The following ELF2 variants were observed in gnomAD, a reference collection of about 807,000 sequenced individuals.
The protein encoded by ELF2 is ETS-related transcription factor Elf-2.
Under a neutral mutation model 54.8 loss-of-function variants are expected in ELF2, and 11 were observed. The observed-to-expected ratio is 0.20, with a 90% CI of 0.13 to 0.33. The LOEUF (loss-of-function observed/expected upper bound fraction) is 0.33. Among genes scored for constraint, ELF2 ranks in the 10% least tolerant of loss-of-function variants. ELF2 has a pLI of 1.00. For missense variants in ELF2, 513 were observed against 703.0 expected (o/e 0.73, Z 3.06); for synonymous variants, 203 against 245.1 (o/e 0.83, Z 1.61).
chr4:139,177,440 G>A (rs1293048066), upstream of ELF2, among the ~76,000 whole-genome samples: 1 of 151,630 alleles, frequency 6.6e-6, no homozygotes, highest in Non-Finnish European at 1.5e-5. Flanking sequence ...ATACCCCGCG[G>A]GGCCCCGCCG....
intron 1 of ELF2, among the ~76,000 whole-genome samples, chr4:139,152,008 C>T (rs1035704492): frequency 2.0e-5 from 3 of 152,120 alleles, no homozygotes; most frequent in Admixed American, 1.3e-4. Flanking sequence ...GAAAGGGTGA[C>T]TCTATTTATA....
chr4:139,063,943 T>TA (rs1025332964), intron 7 of ELF2, among the ~76,000 whole-genome samples: 6 of 152,194 alleles, frequency 3.9e-5, no homozygotes, highest in Admixed American at 2.6e-4. Context: ...GCAGCGGTCA[T>TA]TAGAAGACGC....
chr4:139,129,300 C>T (rs931659749), intron 3 of ELF2, among the ~76,000 whole-genome samples: 2 of 152,174 alleles, frequency 1.3e-5, no homozygotes, highest in African/African-American at 4.8e-5. Flanking sequence ...TCAAGTCTAG[C>T]CAACTTAGTG....
At position 139,145,291 on chromosome 4, in the gene ELF2, G is replaced by A. The variant is rs374659844; in HGVS notation, c.-251-5794C>T. ...ACAACCAAGGAATCTCACAACGTAT[G>A]TCATTCCCCTGTTACCCCTATGAGA... On this transcript the variant is annotated intron_variant, in intron 1 of 9. Transcript: ENST00000686138. Among the ~76,000 whole-genome samples, 8 of 152,344 alleles carry A rather than the reference G, an allele frequency of 5.3e-5. No homozygotes were observed. In the South Asian group the frequency reaches 8.3e-4, roughly 16 times the overall value.
chr4:139,084,198 C>G (rs756220041), intron 4 of ELF2: 1 of 1,613,294 alleles, frequency 6.2e-7, no homozygotes, highest in Admixed American at 1.7e-5. Context: ...CATGTTTATC[C>G]CGGGGCTGGA....
chr4:139,172,928 A>G (rs1397246403), intron 1 of ELF2, among the ~76,000 whole-genome samples: 1 of 146,938 alleles, frequency 6.8e-6, no homozygotes, highest in African/African-American at 2.5e-5. Flanking sequence ...TATACAAAGA[A>G]ATACTATTCC....
chr4:139,114,810 C>T (rs1011318895), intron 4 of ELF2: 91 of 1,539,656 alleles, frequency 5.9e-5, no homozygotes, highest in Non-Finnish European at 7.3e-5. Context: ...GCCAGGGGCA[C>T]GAGGAGCCCT....
At chr4:139,072,149 G>A (rs1729609765) in intron 5 of ELF2, 110 bp from the exon 6 acceptor site, 1 of 1,073,488 alleles carries the variant, frequency 9.3e-7, no homozygotes, top group East Asian at 2.6e-5. Flanking sequence ...ATCAAAGCAG[G>A]ATAAGAGCTT....
chr4:139,087,566 T>C (rs1163772244), intron 4 of ELF2, among the ~76,000 whole-genome samples: 2 of 152,048 alleles, frequency 1.3e-5, no homozygotes, highest in South Asian at 2.1e-4. Flanking sequence ...CCCGGGTTCA[T>C]GCCATTCTCC....
chr4:139,110,325 T>G (rs1010239595), intron 4 of ELF2, among the ~76,000 whole-genome samples: 1 of 152,188 alleles, frequency 6.6e-6, no homozygotes. Context: ...CAGTTCCTGT[T>G]GTGACCAAAG....
intron 6 of ELF2, among the ~76,000 whole-genome samples, chr4:139,068,480 T>C (rs1729044629): frequency 6.6e-6 from 1 of 152,198 alleles, no homozygotes; most frequent in South Asian, 2.1e-4. Flanking sequence ...AAGTAAAAAA[T>C]ATCAAACACT....
chr4:139,169,118 C>A (rs546565689), intron 1 of ELF2, among the ~76,000 whole-genome samples: 1 of 151,672 alleles, frequency 6.6e-6, no homozygotes, highest in Non-Finnish European at 1.5e-5. Context: ...GAGGCCAGGG[C>A]AGGCAGATCA....
At chr4:139,159,405 G>C (rs1740873227) in intron 1 of ELF2, among the ~76,000 whole-genome samples, 2 of 152,232 alleles carry the variant, frequency 1.3e-5, no homozygotes, top group Non-Finnish European at 2.9e-5. Context: ...TGTGAGGCTG[G>C]AAGGAGATCC....
chr4:139,069,239 TA>T (rs1729167754), intron 6 of ELF2, among the ~76,000 whole-genome samples: 1 of 152,216 alleles, frequency 6.6e-6, no homozygotes, highest in Non-Finnish European at 1.5e-5. Context: ...GATGTCACTC[TA>T]TTCTTCATTA....
rs1183534321 is a variant in ELF2, at chr4:139,058,775, G to A, written c.*208C>T. On this transcript the variant is annotated 3_prime_UTR_variant, in exon 10 of 10. Transcript: ENST00000686138. ...TGGGTTCAGTTGTTTCCTACTGTAA[G>A]AGGCAGTTTTCTGTCAGCATCTCAA... 4.8e-6 allele frequency: 3 copies of A among 625,000 alleles called. No homozygotes were observed. Among genetic ancestry groups the A allele is most frequent in the Non-Finnish European group, 7.7e-6 (3 of 388,292 alleles). 38.7% of individuals were successfully genotyped at this position (625,000 alleles called of 1,614,324 possible).
chr4:139,150,651 G>T (rs894912981), intron 1 of ELF2, among the ~76,000 whole-genome samples: 2 of 151,634 alleles, frequency 1.3e-5, no homozygotes, highest in Non-Finnish European at 2.9e-5. Flanking sequence ...TATACCAATG[G>T]AACACAATAT....
intron 1 of ELF2, among the ~76,000 whole-genome samples, chr4:139,162,451 A>G (rs1044772592): frequency 1.3e-5 from 2 of 151,702 alleles, no homozygotes; most frequent in African/African-American, 2.4e-5. Flanking sequence ...GAACTGCTTG[A>G]ACCCGGGAAG....
At position 139,097,434 on chromosome 4, in the gene ELF2, G is replaced by C. The variant is rs191088883; in HGVS notation, c.239-23867C>G. Among the ~76,000 whole-genome samples, 612 of 152,060 alleles carry C rather than the reference G, an allele frequency of 4.0e-3. 2 individuals carry two copies. Among genetic ancestry groups the C allele is most frequent in the Non-Finnish European group, 7.0e-3 (476 of 67,950 alleles). The stretch of plus-strand genomic sequence containing the variant: ...AGTTTAAGACCAGCCTGGCAAATAT[G>C]GGTGAAACCCCGTCTCTACTAAAAA... On this transcript the variant is annotated intron_variant, in intron 4 of 9. Coordinates refer to ENST00000686138, the MANE Select transcript of ELF2 (RefSeq NM_001331036.3).
At position 139,070,663 on chromosome 4, in the gene ELF2, C is replaced by A. The variant is rs117928392; in HGVS notation, c.526+1203G>T. Among the ~76,000 whole-genome samples, 123 of 152,300 alleles carry A rather than the reference C, an allele frequency of 8.1e-4. 1 individual carries two copies. In the East Asian group the frequency reaches 0.021, roughly 26 times the overall value. ...GGATGCAACCAGCCAAGTGCTATAGCAGGCAGTGGGTAAATAAGGCTATTT... is the reference window on the plus strand; with the variant it reads ...GGATGCAACCAGCCAAGTGCTATAGAAGGCAGTGGGTAAATAAGGCTATTT... On this transcript the variant is annotated intron_variant, in intron 6 of 9. Transcript: ENST00000686138.
Sources: allele counts gnomAD v4.1 joint callset (sites outside exome capture counted in the v4.1 genomes callset), GRCh38; gene constraint gnomAD v4.1.1; transcripts MANE v1.5; gene names NCBI Gene and HGNC (gene_info 2026-07-23, HGNC 2026-07-21).